The following NTRK2 variants were observed in gnomAD, a reference collection of about 807,000 sequenced individuals.
The protein encoded by NTRK2 is neurotrophic receptor tyrosine kinase 2.
In NTRK2, 13 loss-of-function variants were observed where a neutral mutation model predicts 94.5. The observed-to-expected ratio is 0.14, with a 90% CI of 0.09 to 0.22. NTRK2 has a LOEUF of 0.22. Among genes scored for constraint, NTRK2 ranks in the 10% least tolerant of loss-of-function variants. The pLI is 1.00. For missense variants in NTRK2, 639 were observed against 1,071.2 expected (o/e 0.60, Z 5.63); for synonymous variants, 372 against 407.4 (o/e 0.91, Z 1.05).
At chr9:84,915,418 A>G (rs2077366326) in intron 14 of NTRK2, among the ~76,000 whole-genome samples, 1 of 152,162 alleles carries the variant, frequency 6.6e-6, no homozygotes, top group Non-Finnish European at 1.5e-5. Flanking sequence ...TTAGTTCTTG[A>G]GAGCCCTGGT....
intron 12 of NTRK2, among the ~76,000 whole-genome samples, chr9:84,828,679 A>G (rs1950364552): frequency 6.6e-6 from 1 of 152,234 alleles, no homozygotes; most frequent in Non-Finnish European, 1.5e-5. Context: ...TATTTTTGGC[A>G]GTAAAGTTCA....
At chr9:84,699,287 T>C (rs1263450227) in intron 2 of NTRK2, among the ~76,000 whole-genome samples, 4 of 152,144 alleles carry the variant, frequency 2.6e-5, no homozygotes, top group Non-Finnish European at 4.4e-5. Flanking sequence ...CCGCCCGACT[T>C]GGCCTCCCAA....
At chr9:84,873,351 A>G (rs1211570599) in intron 14 of NTRK2, 1 of 1,058,614 alleles carries the variant, frequency 9.4e-7, no homozygotes, top group East Asian at 5.2e-5. Context: ...CAGCACGAGC[A>G]TTAGGACAGA....
chr9:84,754,724 G>A (rs2064931529), intron 12 of NTRK2, among the ~76,000 whole-genome samples: 1 of 152,194 alleles, frequency 6.6e-6, no homozygotes, highest in East Asian at 1.9e-4. Context: ...GTGCAGATGA[G>A]CTGTTCAGAA....
chr9:84,979,128 T>C (rs891894576), intron 17 of NTRK2, among the ~76,000 whole-genome samples: 1 of 152,224 alleles, frequency 6.6e-6, no homozygotes, highest in African/African-American at 2.4e-5. Context: ...AGGAGGCATT[T>C]TGACTTTCAA....
At chr9:84,900,409 T>A (rs1397345979) in intron 14 of NTRK2, among the ~76,000 whole-genome samples, 1 of 152,204 alleles carries the variant, frequency 6.6e-6, no homozygotes. Flanking sequence ...TGAAGGATTC[T>A]GTGTGCATTC....
intron 17 of NTRK2, among the ~76,000 whole-genome samples, chr9:85,006,822 T>G (rs1384589189): frequency 1.3e-5 from 2 of 152,194 alleles, no homozygotes; most frequent in African/African-American, 4.8e-5. Context: ...GGTGTCCTTC[T>G]CTAAAGCAGA....
chr9:84,884,260 T>C (rs973620537), intron 14 of NTRK2, among the ~76,000 whole-genome samples: 3 of 152,252 alleles, frequency 2.0e-5, no homozygotes, highest in African/African-American at 7.2e-5. Flanking sequence ...CCTCAGACAT[T>C]GTCTGCTTTA....
At chr9:84,846,537 G>A (rs2074482971) in intron 12 of NTRK2, among the ~76,000 whole-genome samples, 2 of 152,188 alleles carry the variant, frequency 1.3e-5, no homozygotes, top group South Asian at 2.1e-4. Context: ...ACAACATGAA[G>A]GCCTACAAGC....
At chr9:85,001,919 C>T (rs976561700) in intron 17 of NTRK2, among the ~76,000 whole-genome samples, 1 of 152,178 alleles carries the variant, frequency 6.6e-6, no homozygotes, top group African/African-American at 2.4e-5. Context: ...TGAAAACGCC[C>T]CCCTAGTATC....
chr9:84,674,943 A>T (rs1196603000), intron 2 of NTRK2, among the ~76,000 whole-genome samples: 2 of 152,202 alleles, frequency 1.3e-5, no homozygotes, highest in Admixed American at 6.5e-5. Context: ...CTTCTCTGAA[A>T]AGTGATATTT....
At chr9:84,768,514 G>A (rs899145352) in intron 12 of NTRK2, among the ~76,000 whole-genome samples, 1 of 152,098 alleles carries the variant, frequency 6.6e-6, no homozygotes, top group African/African-American at 2.4e-5. Context: ...CTGACCCTTG[G>A]TGGCAGGTAC....
intron 14 of NTRK2, chr9:84,875,458 A>C: frequency 9.4e-7 from 1 of 1,062,594 alleles, no homozygotes; most frequent in African/African-American, 1.6e-5. Flanking sequence ...GCTCTCATTT[A>C]GGGTCATCAC....
intron 2 of NTRK2, among the ~76,000 whole-genome samples, chr9:84,689,330 G>A (rs1422518775): frequency 6.6e-6 from 1 of 152,108 alleles, no homozygotes. Flanking sequence ...GACCTGGTGT[G>A]CTTAGCTGAT....
intron 16 of NTRK2, among the ~76,000 whole-genome samples, chr9:84,953,855 A>G (rs1044858266): frequency 2.0e-5 from 3 of 152,094 alleles, no homozygotes; most frequent in African/African-American, 7.2e-5. Flanking sequence ...AGACCCCCCA[A>G]CTCCTGTCCA....
intron 12 of NTRK2, among the ~76,000 whole-genome samples, chr9:84,777,704 CA>C (rs2132965174): frequency 6.6e-6 from 1 of 152,182 alleles, no homozygotes; most frequent in African/African-American, 2.4e-5. Context: ...TCAGCCAGCT[CA>C]AAAAAGTCCT....
intron 13 of NTRK2, among the ~76,000 whole-genome samples, chr9:84,864,428 C>A (rs2075479653): frequency 6.6e-6 from 1 of 152,032 alleles, no homozygotes; most frequent in African/African-American, 2.4e-5. Context: ...ATGAATGCAC[C>A]AAAATCTCAG....
intron 17 of NTRK2, among the ~76,000 whole-genome samples, chr9:84,982,184 T>G (rs1423147751): frequency 1.3e-5 from 2 of 152,204 alleles, no homozygotes; most frequent in African/African-American, 4.8e-5. Flanking sequence ...GAGGAACAGT[T>G]TGGTGGCCTT....
chr9:84,675,968 T>G (rs915461430), intron 2 of NTRK2, among the ~76,000 whole-genome samples: 1 of 152,238 alleles, frequency 6.6e-6, no homozygotes, highest in African/African-American at 2.4e-5. Flanking sequence ...GATGAGTGAA[T>G]GTGCTCAAAG....
Sources: gnomAD v4.1 joint callset for allele counts (sites outside exome capture counted in the v4.1 genomes callset) on GRCh38, gnomAD v4.1.1 for gene constraint, MANE v1.5 for transcripts, NCBI Gene and HGNC (gene_info 2026-07-23, HGNC 2026-07-21) for gene names.